LEPR: variants seen among roughly 807,000 people sequenced by gnomAD.
LEPR encodes the protein OB receptor.
A neutral mutation model predicts 114.7 loss-of-function variants in LEPR; 56 were observed. The observed-to-expected ratio is 0.49, with a 90% CI of 0.39 to 0.61. The LOEUF is 0.61. LEPR is among the 20% of genes least tolerant of loss of function. The pLI is 0.00. For synonymous variants in LEPR, 443 were observed against 461.4 expected (o/e 0.96, Z 0.51); for missense variants, 1,202 against 1,352.9 (o/e 0.89, Z 1.75).
intron 2 of LEPR, among the ~76,000 whole-genome samples, chr1:65,469,127 C>T (rs1647052066): frequency 6.6e-6 from 1 of 152,156 alleles, no homozygotes; most frequent in South Asian, 2.1e-4. Flanking sequence ...GTGGACTGCA[C>T]ACAGTCCATA....
At chr1:65,527,041 G>A (rs1482362888) in intron 2 of LEPR, among the ~76,000 whole-genome samples, 1 of 152,136 alleles carries the variant, frequency 6.6e-6, no homozygotes, top group Non-Finnish European at 1.5e-5. Context: ...TAATCTTTAA[G>A]CCAGTATTTG....
At chr1:65,517,475 C>T (rs1475397) in intron 2 of LEPR, among the ~76,000 whole-genome samples, 56,546 of 152,040 alleles carry the variant, frequency 0.37, 12,831 homozygotes, top group African/African-American at 0.63. Context: ...CCCTCACCAA[C>T]GGAGAACAAA....
chr1:65,602,119 G>T (rs1371150255), intron 10 of LEPR, among the ~76,000 whole-genome samples, 159 bp downstream of exon 10: 1 of 151,916 alleles, frequency 6.6e-6, no homozygotes, highest in Non-Finnish European at 1.5e-5. Flanking sequence ...ATATAAATTG[G>T]TGATTCTTGA....
At chr1:65,505,644 C>T (rs917327661) in intron 2 of LEPR, among the ~76,000 whole-genome samples, 1 of 152,180 alleles carries the variant, frequency 6.6e-6, no homozygotes, top group Non-Finnish European at 1.5e-5. Context: ...GCTCCCACCC[C>T]CTCTGGCTCA....
intron 2 of LEPR, among the ~76,000 whole-genome samples, chr1:65,466,916 A>C (rs1255070948): frequency 2.0e-5 from 3 of 152,124 alleles, no homozygotes; most frequent in Non-Finnish European, 4.4e-5. Context: ...TATTCTAGTT[A>C]GCCATTCATT....
At position 65,456,205 on chromosome 1, in the gene LEPR, C is replaced by G. The variant is rs1487087886; in HGVS notation, c.-21+30827C>G. Among the ~76,000 whole-genome samples the G allele has an allele frequency of 2.6e-5, 4 of 152,156 alleles. No individual in the cohort carries two copies. In the East Asian group the frequency reaches 7.8e-4, roughly 30 times the overall value. ...TCTGGCACTCCCTAGTGAGATGAAC[C>G]TGGTACCTCAGATGGAAATGCAGAA... On this transcript the variant is annotated intron_variant, in intron 2 of 19. Coordinates refer to ENST00000349533, the MANE Select transcript of LEPR (RefSeq NM_002303.6).
At chr1:65,618,862 A>G (rs1398343310) in intron 16 of LEPR, among the ~76,000 whole-genome samples, 1 of 152,044 alleles carries the variant, frequency 6.6e-6, no homozygotes, top group Non-Finnish European at 1.5e-5. Flanking sequence ...ACAGCTTCTG[A>G]TATCTTCTGC....
intron 8 of LEPR, among the ~76,000 whole-genome samples, chr1:65,600,566 A>T (rs1420468376): frequency 6.6e-6 from 1 of 152,188 alleles, no homozygotes; most frequent in Non-Finnish European, 1.5e-5. Flanking sequence ...TTAACTTTAC[A>T]ACTGAAATGT....
chr1:65,443,553 TAA>T (rs2100291064), intron 2 of LEPR, among the ~76,000 whole-genome samples: 1 of 151,964 alleles, frequency 6.6e-6, no homozygotes, highest in East Asian at 1.9e-4. Flanking sequence ...TCTAAATATA[TAA>T]AAAGATATAC....
intron 6 of LEPR, among the ~76,000 whole-genome samples, chr1:65,594,780 A>AGGG (rs1655940116): frequency 6.6e-6 from 1 of 151,972 alleles, no homozygotes; most frequent in African/African-American, 2.4e-5. Context: ...AGAAAGACTG[A>AGGG]GGGGTTATCA....
chr1:65,636,909 G>T lies in LEPR; in HGVS notation c.3392G>T (p.Gly1131Val). 1 of 1,606,922 alleles carries T rather than the reference G, an allele frequency of 6.2e-7. No homozygotes were observed. Among genetic ancestry groups the T allele is most frequent in the South Asian group, 1.1e-5 (1 of 90,068 alleles). Residue 1131 changes from glycine (G) to valine (V), a missense_variant, in exon 20 of 20, where the codon GGA (glycine) becomes GTA (valine). By Grantham distance (109) the Gly-to-Val change is moderately radical. Coordinates refer to ENST00000349533, the MANE Select transcript of LEPR (RefSeq NM_002303.6). ...SHFVENNINL[G>V]TSSKKTFASY... ...TTTGTAGAAAATAATATCAACTTAG[G>T]AACTTCTAGTAAGAAGACTTTTGCA...
rs112121590 is a variant in LEPR at position 65,421,433 on chromosome 1, G to A, written c.-97+693G>A. 6.4e-5 allele frequency: 99 copies of A among 1,536,032 alleles called. 1 individual carries two copies. The African/African-American group carries it at 1.0e-3, about 16-fold the overall frequency. On this transcript the variant is annotated intron_variant, in intron 1 of 19. Coordinates refer to ENST00000349533, the MANE Select transcript of LEPR (RefSeq NM_002303.6). ...TTCAGAGCAATGCGAGACGGAAAAG[G>A]TTTTTTGCAAGGCTTCCTGTATTTT... is the stretch of plus-strand genomic sequence containing the variant.
At chr1:65,531,958 G>A (rs553881963) in intron 2 of LEPR, among the ~76,000 whole-genome samples, 69 of 152,254 alleles carry the variant, frequency 4.5e-4, no homozygotes, top group Non-Finnish European at 7.8e-4. Flanking sequence ...GATAATGAAT[G>A]CCACACATTT....
chr1:65,518,768 C>A, intron 2 of LEPR, among the ~76,000 whole-genome samples: 1 of 152,164 alleles, frequency 6.6e-6, no homozygotes, highest in East Asian at 1.9e-4. Context: ...TAACAAGTAT[C>A]ACCCTTCCTC....
In LEPR at chr1:65,586,049, T is replaced by G. The variant is rs533114844; in HGVS notation, c.495-6608T>G. On this transcript the variant is annotated intron_variant, in intron 5 of 19. Coordinates refer to ENST00000349533, the MANE Select transcript of LEPR (RefSeq NM_002303.6). ...ATATTGACATGATTCAGGTTATAAT[T>G]ATTTTTTAGTCATGGTTACTATGGT... 9.2e-5 allele frequency among the ~76,000 whole-genome samples: 14 copies of G among 152,188 alleles called. No individual in the cohort carries two copies. In the South Asian group the frequency reaches 2.7e-3, roughly 29 times the overall value.
intron 6 of LEPR, 95 bp downstream of exon 6, chr1:65,592,960 ACTTTG>A (rs1438551293): frequency 9.0e-6 from 12 of 1,335,678 alleles, no homozygotes; most frequent in Non-Finnish European, 1.0e-5. Flanking sequence ...AGCTTATCTC[ACTTTG>A]CTTAACACTG....
At chr1:65,518,923 T>C (rs983395932) in intron 2 of LEPR, among the ~76,000 whole-genome samples, 7 of 118,824 alleles carry the variant, frequency 5.9e-5, no homozygotes, top group South Asian at 2.8e-4. Flanking sequence ...CTTTCTCTCT[T>C]TCTCTGTTTC....
At position 65,605,090 on chromosome 1, in the gene LEPR, A is replaced by T; in HGVS notation, c.1456A>T (p.Lys486Ter). The T allele has an allele frequency of 6.2e-7, 1 of 1,614,054 alleles. No individual in the cohort carries two copies. Among genetic ancestry groups the T allele is most frequent in the Non-Finnish European group, 8.5e-7 (1 of 1,180,018 alleles). Residue 486 changes from lysine to a stop codon, truncating the protein, a stop_gained, in exon 11 of 20, where the codon AAA becomes TAA. Transcript: ENST00000349533. LOFTEE classifies it high-confidence loss of function. ...IPSIHPISEP[K>*]DCYLQSDGFY... ...ATCTATTCATCCCATATCTGAGCCC[A>T]AAGATTGCTATTTGCAGAGTGATGG...
At chr1:65,443,604 A>G (rs1379769500) in intron 2 of LEPR, among the ~76,000 whole-genome samples, 1 of 152,164 alleles carries the variant, frequency 6.6e-6, no homozygotes, top group East Asian at 1.9e-4. Flanking sequence ...TAAGCATTCA[A>G]TGAATACTGG....
Sources: allele counts gnomAD v4.1 joint callset (sites outside exome capture counted in the v4.1 genomes callset), GRCh38; gene constraint gnomAD v4.1.1; transcripts MANE v1.5; gene names NCBI Gene and HGNC (gene_info 2026-07-23, HGNC 2026-07-21).